Variants in TSNAXIP1 observed in about 807,000 individuals in gnomAD.
The protein encoded by TSNAXIP1 is translin associated factor X interacting protein 1, also known as translin-associated factor X-interacting protein 1.
Under a neutral mutation model 84.8 loss-of-function variants are expected in TSNAXIP1, and 89 were observed. The ratio of observed to expected loss-of-function variants is 1.05; its 90% confidence interval spans 0.88 to 1.25. TSNAXIP1 has a LOEUF of 1.25. TSNAXIP1 is among the 50% of genes most tolerant of loss of function. TSNAXIP1 has a pLI of 0.00. For missense variants in TSNAXIP1, 874 were observed against 887.6 expected (o/e 0.98, Z 0.20); for synonymous variants, 347 against 335.2 (o/e 1.04, Z -0.39).
Position 67,827,873 on chromosome 16 carries a change from G to A in TSNAXIP1, c.2019G>A (p.Met673Ile), listed in dbSNP as rs762402804. Residue 673 changes from methionine (M) to isoleucine (I), a missense_variant, in exon 16 of 16, where the codon ATG (methionine) becomes ATA (isoleucine). Met to Ile is a conservative substitution (Grantham distance 10). Coordinates refer to ENST00000561639, the MANE Select transcript of TSNAXIP1 (RefSeq NM_001288990.3). The stretch of plus-strand genomic sequence containing the variant: ...CCTTCCAGCTCCCTGAGTCGGAAAT[G>A]CCAGAGGAGGGTGACGAGAAGGAAG... Reference protein sequence around the residue: ...SQAFQLPESEMPEEGDEKEEA... With the variant: ...SQAFQLPESEIPEEGDEKEEA... The A allele has an allele frequency of 3.7e-6, 6 of 1,614,028 alleles. No individual in the cohort carries two copies. The Admixed American group carries it at 5.0e-5, about 13-fold the overall frequency.
intron 4 of TSNAXIP1, among the ~76,000 whole-genome samples, chr16:67,821,600 T>C (rs1342422097): frequency 2.0e-5 from 3 of 151,978 alleles, no homozygotes; most frequent in Non-Finnish European, 4.4e-5. Context: ...AAGCCTCACC[T>C]ACAAGGACTG....
intron 2 of TSNAXIP1, among the ~76,000 whole-genome samples, chr16:67,815,532 C>T (rs920051713): frequency 6.6e-6 from 1 of 152,032 alleles, no homozygotes; most frequent in Non-Finnish European, 1.5e-5. Context: ...CAGAGTTTTG[C>T]TCTGACACTC....
chr16:67,825,712 T>C lies in TSNAXIP1; in HGVS notation c.860T>C (p.Met287Thr). The stretch of plus-strand genomic sequence containing the variant: ...GTGAAGTTAACCCTGGCTCTTAAGA[T>C]GACCCGGCAAGACCTGACCCGCACG... Reference protein sequence around the residue: ...DPVKLTLALKMTRQDLTRTQM... With the variant: ...DPVKLTLALKTTRQDLTRTQM... The change falls in exon 8 of 16, where the codon ATG becomes ACG. Residue 287 changes from methionine (M) to threonine (T), a missense_variant. Coordinates refer to ENST00000561639, the MANE Select transcript of TSNAXIP1 (RefSeq NM_001288990.3). The C allele has an allele frequency of 5.0e-6, 8 of 1,614,060 alleles. No individual in the cohort carries two copies. The highest frequency in any genetic ancestry group is 6.8e-6 in the Non-Finnish European group (8 of 1,179,992).
chr16:67,807,106 G>A lies in TSNAXIP1; in HGVS notation c.-44G>A. The stretch of plus-strand genomic sequence containing the variant: ...TGGCGACCGGCTGTACGCTACCACA[G>A]CTTCCCAGGCCGCGGGTGCTGATTG... On this transcript the variant is annotated 5_prime_UTR_variant, in exon 1 of 16. Transcript: ENST00000561639. The A allele has an allele frequency of 6.5e-7, 1 of 1,532,234 alleles. No individual in the cohort carries two copies. The highest frequency in any genetic ancestry group is 8.7e-7 in the Non-Finnish European group (1 of 1,145,428). 94.9% of individuals were successfully genotyped at this position (1,532,234 alleles called of 1,614,324 possible).
chr16:67,826,251 T>A lies in TSNAXIP1; in HGVS notation c.1244T>A (p.Leu415Gln), dbSNP rs965081869. The A allele has an allele frequency of 2.0e-5, 32 of 1,585,376 alleles. No homozygotes were observed. Among genetic ancestry groups the A allele is most frequent in the Non-Finnish European group, 2.7e-5 (31 of 1,164,158 alleles). Reference sequence around the variant, plus strand: ...CTCCTGGAAGAGATTGGTTCGGGGCTGCTGCGGGAGAAAGACTTCTTCCCT... The same window carrying A: ...CTCCTGGAAGAGATTGGTTCGGGGCAGCTGCGGGAGAAAGACTTCTTCCCT... ...DVLLEEIGSGLLREKDFFPGL... is the reference protein window; with the variant it reads ...DVLLEEIGSGQLREKDFFPGL... The change falls in exon 10 of 16, where the codon CTG becomes CAG. Residue 415 changes from leucine (L) to glutamine (Q), a missense_variant. Physicochemically the swap from Leu to Gln is moderately radical, Grantham distance 113 (BLOSUM62 -2). Coordinates refer to ENST00000561639, the MANE Select transcript of TSNAXIP1 (RefSeq NM_001288990.3).
chr16:67,827,729 GTCAC>G lies in TSNAXIP1; in HGVS notation c.1899-21_1899-18del. The G allele has an allele frequency of 6.2e-7, 1 of 1,613,418 alleles. No homozygotes were observed. The highest frequency in any genetic ancestry group is 8.5e-7 in the Non-Finnish European group (1 of 1,179,908). ...GCACGGAGAGGAGGGGTCAGGGCCT[GTCAC>G]TCTCTTTCCTGTGGGGCAGCCATGA... On this transcript the variant is annotated intron_variant, in intron 15 of 15. Coordinates refer to ENST00000561639, the MANE Select transcript of TSNAXIP1 (RefSeq NM_001288990.3).
intron 2 of TSNAXIP1, among the ~76,000 whole-genome samples, chr16:67,818,081 C>A (rs770784082): frequency 6.7e-6 from 1 of 150,170 alleles, no homozygotes; most frequent in Non-Finnish European, 1.5e-5. Context: ...TGGTGGCATG[C>A]GCCTGTAATT....
chr16:67,827,679 AGAG>A, intron 15 of TSNAXIP1, 71 bp from the exon 16 acceptor site: 10 of 1,610,550 alleles, frequency 6.2e-6, no homozygotes, highest in Non-Finnish European at 7.6e-6. Flanking sequence ...AGCCCAGCAC[AGAG>A]GAGGGCACCT....
rs1478847630 is a variant in TSNAXIP1 at position 67,824,761 on chromosome 16, G to C, written c.660G>C (p.Lys220Asn). The change falls in exon 6 of 16, where the codon AAG becomes AAC. Residue 220 changes from lysine (K) to asparagine (N), a missense_variant. By Grantham distance (94) the Lys-to-Asn change is moderately conservative (BLOSUM62 0). Coordinates refer to ENST00000561639, the MANE Select transcript of TSNAXIP1 (RefSeq NM_001288990.3). ...TCATCGACAAAAAGAATGAGGAGAA[G>C]ATTTCATTGCAGAGCGAGGTGAATG... ...LKLIDKKNEEKISLQSEVTKL... is the reference protein window; with the variant it reads ...LKLIDKKNEENISLQSEVTKL... 1 of 1,613,948 alleles carries C rather than the reference G, an allele frequency of 6.2e-7. No individual in the cohort carries two copies. The highest frequency in any genetic ancestry group is 1.1e-5 in the South Asian group (1 of 91,066).
In TSNAXIP1 at chr16:67,821,097, AG is replaced by A; in HGVS notation, c.261del. 6.2e-7 allele frequency: 1 copy of A among 1,613,328 alleles called. No homozygotes were observed. The highest frequency in any genetic ancestry group is 8.5e-7 in the Non-Finnish European group (1 of 1,179,800). The stretch of plus-strand genomic sequence containing the variant: ...CCACATATCAGCCACTGTCCCCTGC[AG>A]GAGCTGCCAGCAGCACCCCTTTCGC... On this transcript the variant is annotated splice_acceptor_variant, in intron 3 of 15. Coordinates refer to ENST00000561639, the MANE Select transcript of TSNAXIP1 (RefSeq NM_001288990.3). LOFTEE classifies it high-confidence loss of function.
At chr16:67,810,610 T>C (rs2055968061) in intron 1 of TSNAXIP1, among the ~76,000 whole-genome samples, 1 of 151,830 alleles carries the variant, frequency 6.6e-6, no homozygotes, top group Admixed American at 6.6e-5. Context: ...CAGAGCCAGA[T>C]TACGTCTTAA....
chr16:67,810,373 C>A (rs1284743808), intron 1 of TSNAXIP1, among the ~76,000 whole-genome samples: 1 of 152,106 alleles, frequency 6.6e-6, no homozygotes, highest in African/African-American at 2.4e-5. Context: ...GTAATCCCAG[C>A]ACTTTGGGAG....
At position 67,826,143 on chromosome 16, in the gene TSNAXIP1, C is replaced by T; in HGVS notation, c.1145-9C>T. On this transcript the variant is annotated splice_polypyrimidine_tract_variant and intron_variant, in intron 9 of 15. Coordinates refer to ENST00000561639, the MANE Select transcript of TSNAXIP1 (RefSeq NM_001288990.3). ...GGCCCAGACTCCAGCTCCCTCTCCCCACATGCAGATGTGGTGGCTGGGGGC... is the reference window on the plus strand; with the variant it reads ...GGCCCAGACTCCAGCTCCCTCTCCCTACATGCAGATGTGGTGGCTGGGGGC... The T allele has an allele frequency of 6.2e-7, 1 of 1,613,310 alleles. No homozygotes were observed. The highest frequency in any genetic ancestry group is 8.5e-7 in the Non-Finnish European group (1 of 1,179,554).
At chr16:67,819,106 G>A (rs1389146872) in intron 2 of TSNAXIP1, among the ~76,000 whole-genome samples, 2 of 151,984 alleles carry the variant, frequency 1.3e-5, no homozygotes, top group Non-Finnish European at 2.9e-5. Flanking sequence ...AAGAGGCAGA[G>A]CTGCAGTGAG....
At chr16:67,823,176 G>A (rs746619550) in intron 4 of TSNAXIP1, among the ~76,000 whole-genome samples, 2 of 152,156 alleles carry the variant, frequency 1.3e-5, no homozygotes, top group Non-Finnish European at 2.9e-5. Context: ...TGAGGTACCC[G>A]GGTGGTATCT....
rs1350714587 is a variant in TSNAXIP1 at position 67,807,169 on chromosome 16, G to A, written c.20G>A (p.Arg7Gln). The A allele has an allele frequency of 8.5e-6, 13 of 1,535,698 alleles. No homozygotes were observed. The highest frequency in any genetic ancestry group is 3.6e-5 in the South Asian group (3 of 84,048). The change falls in exon 1 of 16, where the codon CGG becomes CAG. Residue 7 changes from arginine to glutamine, a missense_variant. Coordinates refer to ENST00000561639, the MANE Select transcript of TSNAXIP1 (RefSeq NM_001288990.3). MACQQS[R>Q]YHSFSSASRL... is the part of the protein sequence containing the mutation. ...TGGGTCATGGCCTGCCAGCAGTCGC[G>A]GTACCACAGCTTCTCGTCCGCGTCG... is the stretch of plus-strand genomic sequence containing the variant.
chr16:67,821,395 C>T (rs1407330210), intron 4 of TSNAXIP1, among the ~76,000 whole-genome samples, 170 bp downstream of exon 4: 1 of 151,978 alleles, frequency 6.6e-6, no homozygotes, highest in Non-Finnish European at 1.5e-5. Flanking sequence ...CATGGCGAAA[C>T]CCCGTCTCTA....
At position 67,820,957 on chromosome 16, in the gene TSNAXIP1, C is replaced by T; in HGVS notation, c.260+6C>T. ...GACTACCGGAAGCGAGTAGGGTAAG[C>T]CAGGGTCAGTCCCATGGTGGGTGAG... is the stretch of plus-strand genomic sequence containing the variant. On this transcript the variant is annotated splice_donor_region_variant and intron_variant, in intron 3 of 15. Coordinates refer to ENST00000561639, the MANE Select transcript of TSNAXIP1 (RefSeq NM_001288990.3). 1 of 1,594,640 alleles carries T rather than the reference C, an allele frequency of 6.3e-7. No homozygotes were observed. Among genetic ancestry groups the T allele is most frequent in the Non-Finnish European group, 8.5e-7 (1 of 1,170,500 alleles).
Position 67,827,310 on chromosome 16 carries a change from G to A in TSNAXIP1, c.1726G>A (p.Ala576Thr), listed in dbSNP as rs768481308. The change falls in exon 14 of 16, where the codon GCA becomes ACA. Residue 576 changes from alanine to threonine, a missense_variant. Physicochemically the swap from Ala to Thr is moderately conservative, Grantham distance 58. Transcript: ENST00000561639. Reference sequence around the variant, plus strand: ...AGAGCAAATCCAGGAGCTGATGGAGGCAGGGGGCTGGCATCCCAGCAGCAG... The same window carrying A: ...AGAGCAAATCCAGGAGCTGATGGAGACAGGGGGCTGGCATCCCAGCAGCAG... ...TEEQIQELME[A>T]GGWHPSSSNA... 4.3e-6 allele frequency: 7 copies of A among 1,614,224 alleles called. No individual in the cohort carries two copies. The highest frequency in any genetic ancestry group is 5.9e-6 in the Non-Finnish European group (7 of 1,180,040).
Sources: allele counts gnomAD v4.1 joint callset (sites outside exome capture counted in the v4.1 genomes callset), GRCh38; gene constraint gnomAD v4.1.1; transcripts MANE v1.5; gene names NCBI Gene and HGNC (gene_info 2026-07-23, HGNC 2026-07-21).